DACH1: variants seen among roughly 807,000 people sequenced by gnomAD.
DACH1 encodes the protein dachshund homolog 1.
DACH1 carries 12 observed loss-of-function variants against 54.2 expected under a neutral mutation model. The observed-to-expected ratio is 0.22, with a 90% CI of 0.14 to 0.36. The LOEUF is 0.36. DACH1 is among the 10% of genes least tolerant of loss of function. The probability of loss-of-function intolerance (pLI) is 1.00; values close to 1 mark genes in which losing one functional copy is unlikely to be tolerated. For synonymous variants in DACH1, 386 were observed against 366.2 expected (o/e 1.05, Z -0.62); for missense variants, 805 against 929.8 (o/e 0.87, Z 1.75).
At chr13:71,469,728 G>A (rs1205349161) in intron 10 of DACH1, among the ~76,000 whole-genome samples, 1 of 152,106 alleles carries the variant, frequency 6.6e-6, no homozygotes, top group Non-Finnish European at 1.5e-5. Context: ...AATATTTGTT[G>A]AAAAACTGAA....
At chr13:71,827,736 T>C (rs990415303) in intron 1 of DACH1, among the ~76,000 whole-genome samples, 1 of 152,092 alleles carries the variant, frequency 6.6e-6, no homozygotes, top group African/African-American at 2.4e-5. Context: ...AGACTGTGCA[T>C]GCCAGTTGAA....
At chr13:71,807,136 A>G (rs1887534282) in intron 1 of DACH1, among the ~76,000 whole-genome samples, 1 of 152,158 alleles carries the variant, frequency 6.6e-6, no homozygotes, top group South Asian at 2.1e-4. Flanking sequence ...AACAGAATGA[A>G]CAAGTTAAAT....
intron 1 of DACH1, among the ~76,000 whole-genome samples, chr13:71,831,114 C>T (rs1438697100): frequency 6.6e-6 from 1 of 151,820 alleles, no homozygotes; most frequent in Non-Finnish European, 1.5e-5. Context: ...GCCTTTTCGC[C>T]ACCACATGAA....
intron 1 of DACH1, among the ~76,000 whole-genome samples, chr13:71,693,126 A>AT (rs1198306317): frequency 6.6e-6 from 1 of 152,112 alleles, no homozygotes; most frequent in Non-Finnish European, 1.5e-5. Flanking sequence ...CAAACCAGCA[A>AT]TAAGAAGGAA....
chr13:71,598,136 C>A (rs1874241517), intron 3 of DACH1, among the ~76,000 whole-genome samples: 1 of 151,890 alleles, frequency 6.6e-6, no homozygotes, highest in Non-Finnish European at 1.5e-5. Context: ...AAATTAAACC[C>A]TTTATATTAA....
chr13:71,686,333 C>T (rs1881159399), intron 1 of DACH1, among the ~76,000 whole-genome samples: 1 of 152,106 alleles, frequency 6.6e-6, no homozygotes, highest in Non-Finnish European at 1.5e-5. Context: ...ACACTTTCTC[C>T]TGCAGTTCTA....
At chr13:71,608,741 G>A (rs1875079654) in intron 3 of DACH1, among the ~76,000 whole-genome samples, 1 of 152,014 alleles carries the variant, frequency 6.6e-6, no homozygotes, top group Non-Finnish European at 1.5e-5. Flanking sequence ...AAATGTATGG[G>A]CTTGAGTATG....
chr13:71,546,502 C>A (rs183218759), intron 6 of DACH1, among the ~76,000 whole-genome samples: 5 of 151,946 alleles, frequency 3.3e-5, no homozygotes, highest in African/African-American at 1.2e-4. Flanking sequence ...ACTTTACTTG[C>A]TTGGAGTAGA....
At chr13:71,463,812 CT>C (rs1876320726) in intron 10 of DACH1, among the ~76,000 whole-genome samples, 1 of 151,908 alleles carries the variant, frequency 6.6e-6, no homozygotes, top group African/African-American at 2.4e-5. Flanking sequence ...TCCCTTATGT[CT>C]TTTTAACTTC....
At chr13:71,852,298 G>A (rs9572813) in intron 1 of DACH1, among the ~76,000 whole-genome samples, 12,034 of 151,894 alleles carry the variant, frequency 0.079, 1,284 homozygotes, top group East Asian at 0.56. Flanking sequence ...ATGAATGAGT[G>A]TAATCAATGA....
chr13:71,573,423 G>A (rs1046064842), intron 3 of DACH1: 2 of 716,398 alleles, frequency 2.8e-6, no homozygotes, highest in Non-Finnish European at 2.6e-6. Flanking sequence ...CGTACCATTT[G>A]GCAGAAGGTG....
intron 1 of DACH1, among the ~76,000 whole-genome samples, chr13:71,864,489 G>A (rs1336749669): frequency 6.6e-6 from 1 of 152,028 alleles, no homozygotes; most frequent in Admixed American, 6.6e-5. Flanking sequence ...CTATCTCTGC[G>A]GGAGCACACA....
At chr13:71,832,070 C>G (rs1295624016) in intron 1 of DACH1, among the ~76,000 whole-genome samples, 2 of 151,886 alleles carry the variant, frequency 1.3e-5, no homozygotes, top group Non-Finnish European at 1.5e-5. Context: ...ATTTCTCAGG[C>G]TAGGTATTGT....
chr13:71,562,422 A>AG (rs1439088132), intron 4 of DACH1, among the ~76,000 whole-genome samples: 4 of 152,018 alleles, frequency 2.6e-5, no homozygotes, highest in Non-Finnish European at 5.9e-5. Flanking sequence ...AGAGAAAACA[A>AG]GGGGGGACAA....
chr13:71,665,993 G>A (rs190617830), intron 2 of DACH1, among the ~76,000 whole-genome samples: 15 of 152,170 alleles, frequency 9.9e-5, no homozygotes, highest in Admixed American at 9.8e-4. Context: ...TATTAGCAAT[G>A]TTCCTACCAT....
chr13:71,812,644 C>T (rs930687238), intron 1 of DACH1, among the ~76,000 whole-genome samples: 6 of 151,978 alleles, frequency 3.9e-5, no homozygotes, highest in Non-Finnish European at 7.4e-5. Context: ...TTAACGCCAG[C>T]GTTTAATATG....
At chr13:71,512,308 C>T (rs1462919205) in intron 6 of DACH1, among the ~76,000 whole-genome samples, 1 of 151,928 alleles carries the variant, frequency 6.6e-6, no homozygotes, top group Non-Finnish European at 1.5e-5. Context: ...CTGCCCTACA[C>T]ATTCTTTTAA....
intron 1 of DACH1, among the ~76,000 whole-genome samples, chr13:71,691,397 C>A (rs899372976): frequency 3.9e-5 from 6 of 152,188 alleles, no homozygotes; most frequent in African/African-American, 7.2e-5. Flanking sequence ...AATACTTTGA[C>A]AAACTTTTGA....
chr13:71,693,296 C>CTTTTTTTTTTTTTTTTTTTTTTTTT (rs869289138), intron 1 of DACH1, among the ~76,000 whole-genome samples: 1 of 90,962 alleles, frequency 1.1e-5, no homozygotes, highest in Non-Finnish European at 2.0e-5. Flanking sequence ...ATTTGTTTTG[C>CTTTTTTTTTTTTTTTTTTTTTTTTT]TTTTTTTTTT....
Sources: allele counts gnomAD v4.1 joint callset (sites outside exome capture counted in the v4.1 genomes callset), GRCh38; gene constraint gnomAD v4.1.1; transcripts MANE v1.5; gene names NCBI Gene and HGNC (gene_info 2026-07-23, HGNC 2026-07-21).